Variants in FBXL7 observed in about 807,000 individuals in gnomAD.
The protein encoded by FBXL7 is F-box and leucine rich repeat protein 7, also known as F-box/LRR-repeat protein 7.
A neutral mutation model predicts 38.3 loss-of-function variants in FBXL7; 12 were observed. The observed-to-expected ratio is 0.31, with a 90% CI of 0.20 to 0.51. FBXL7 has a LOEUF of 0.51. FBXL7 is among the 20% of genes least tolerant of loss of function. The pLI is 0.98. For synonymous variants in FBXL7, 297 were observed against 300.9 expected, an observed-to-expected ratio of 0.99 and a Z score of 0.13; for missense variants, 567 against 676.4, an observed-to-expected ratio of 0.84 and a Z score of 1.79.
At position 15,631,629 on chromosome 5, in the gene FBXL7, G is replaced by A. The variant is rs1016869486; in HGVS notation, c.127+15557G>A. Among the ~76,000 whole-genome samples, 10 of 126,594 alleles carry A rather than the reference G, an allele frequency of 7.9e-5. No homozygotes were observed. The East Asian group carries it at 1.7e-3, about 21-fold the overall frequency. The allele number at this position is 126,594 out of a possible 152,430, so 83.1% of individuals were successfully genotyped here. On this transcript the variant is annotated intron_variant, in intron 2 of 3. Coordinates refer to ENST00000504595, the MANE Select transcript of FBXL7 (RefSeq NM_012304.5). ...GGAGGTTGCAGTGAGCCGAGACTGC[G>A]CCATTGCACTACAGCCTGGGCAACA...
intron 2 of FBXL7, among the ~76,000 whole-genome samples, chr5:15,635,147 CTG>C (rs1741140498): frequency 6.6e-6 from 1 of 152,000 alleles, no homozygotes; most frequent in African/African-American, 2.4e-5. Flanking sequence ...CTGGGCTTGA[CTG>C]TGATTTTTCT....
chr5:15,827,052 T>C (rs756086356), intron 2 of FBXL7, among the ~76,000 whole-genome samples: 12 of 152,094 alleles, frequency 7.9e-5, no homozygotes, highest in African/African-American at 1.4e-4. Context: ...TCCTGCCCCA[T>C]GAACACTTTT....
At chr5:15,727,890 G>C (rs560851102) in intron 2 of FBXL7, among the ~76,000 whole-genome samples, 45 of 152,054 alleles carry the variant, frequency 3.0e-4, no homozygotes, top group African/African-American at 1.1e-3. Context: ...GAGTCCTTTG[G>C]GATCTGGTTA....
At chr5:15,797,494 C>G (rs1283071882) in intron 2 of FBXL7, among the ~76,000 whole-genome samples, 1 of 152,192 alleles carries the variant, frequency 6.6e-6, no homozygotes, top group Admixed American at 6.5e-5. Context: ...ATCTTCTGGG[C>G]TGATGCTCTC....
At chr5:15,552,025 C>A (rs1365861048) in intron 1 of FBXL7, among the ~76,000 whole-genome samples, 1 of 152,168 alleles carries the variant, frequency 6.6e-6, no homozygotes, top group Non-Finnish European at 1.5e-5. Context: ...TTACTACTTA[C>A]ATTTGTTGAA....
At chr5:15,729,608 G>A (rs754897281) in intron 2 of FBXL7, among the ~76,000 whole-genome samples, 3 of 152,060 alleles carry the variant, frequency 2.0e-5, no homozygotes, top group Non-Finnish European at 4.4e-5. Context: ...CAGTAGTAAT[G>A]TTTATCTTTT....
intron 1 of FBXL7, among the ~76,000 whole-genome samples, chr5:15,563,085 T>C (rs565114173): frequency 2.0e-5 from 3 of 152,278 alleles, no homozygotes; most frequent in East Asian, 1.9e-4. Flanking sequence ...TAATGAACAA[T>C]GCTTCCATAT....
chr5:15,783,719 G>C (rs1737060129), intron 2 of FBXL7, among the ~76,000 whole-genome samples: 1 of 152,214 alleles, frequency 6.6e-6, no homozygotes, highest in Admixed American at 6.5e-5. Context: ...CTCAGTTAAG[G>C]TGTAGAGGTG....
chr5:15,679,966 A>C (rs1190631493), intron 2 of FBXL7, among the ~76,000 whole-genome samples: 3 of 152,140 alleles, frequency 2.0e-5, no homozygotes, highest in Admixed American at 6.6e-5. Flanking sequence ...ATTTGGCCAA[A>C]TTTTCTCTCT....
intron 2 of FBXL7, among the ~76,000 whole-genome samples, chr5:15,822,376 A>C: frequency 6.6e-6 from 1 of 151,998 alleles, no homozygotes; most frequent in Non-Finnish European, 1.5e-5. Flanking sequence ...ACAAAACAAA[A>C]CATAAAAGAA....
intron 2 of FBXL7, among the ~76,000 whole-genome samples, chr5:15,697,287 A>T (rs1743371148): frequency 6.6e-6 from 1 of 152,192 alleles, no homozygotes; most frequent in African/African-American, 2.4e-5. Context: ...TTATAAAATT[A>T]CAAGGTCTAG....
At chr5:15,612,375 C>T (rs1338943470) in intron 1 of FBXL7, among the ~76,000 whole-genome samples, 3 of 152,138 alleles carry the variant, frequency 2.0e-5, no homozygotes, top group Non-Finnish European at 4.4e-5. Flanking sequence ...TTAGTGTTAG[C>T]TATTATTATA....
At chr5:15,730,331 G>A (rs1161805115) in intron 2 of FBXL7, among the ~76,000 whole-genome samples, 1 of 152,052 alleles carries the variant, frequency 6.6e-6, no homozygotes, top group East Asian at 1.9e-4. Flanking sequence ...AGAAGAAAAT[G>A]TGCCGCCCAC....
At chr5:15,748,934 G>T (rs371596965) in intron 2 of FBXL7, among the ~76,000 whole-genome samples, 1 of 152,044 alleles carries the variant, frequency 6.6e-6, no homozygotes, top group East Asian at 1.9e-4. Flanking sequence ...TGTTGCCATG[G>T]CTAACATGTC....
intron 2 of FBXL7, among the ~76,000 whole-genome samples, chr5:15,721,400 A>G (rs909264835): frequency 6.6e-6 from 1 of 152,148 alleles, no homozygotes; most frequent in East Asian, 1.9e-4. Context: ...CACCCATAAT[A>G]TGTGGGAAGT....
chr5:15,701,897 C>G (rs1378483235), intron 2 of FBXL7, among the ~76,000 whole-genome samples: 1 of 152,074 alleles, frequency 6.6e-6, no homozygotes, highest in Non-Finnish European at 1.5e-5. Flanking sequence ...TGATTCTTGC[C>G]TTAAAGACTC....
intron 1 of FBXL7, among the ~76,000 whole-genome samples, chr5:15,579,549 A>G (rs1739071869): frequency 6.6e-6 from 1 of 152,228 alleles, no homozygotes; most frequent in African/African-American, 2.4e-5. Context: ...ATCTTTCCAA[A>G]TAAGATGATT....
At chr5:15,786,287 C>T (rs76127854) in intron 2 of FBXL7, among the ~76,000 whole-genome samples, 3,599 of 143,956 alleles carry the variant, frequency 0.025, 91 homozygotes, top group East Asian at 0.081. Context: ...TCCCTTCTTT[C>T]ATTCCTCCAC....
At chr5:15,600,731 AAGG>A (rs1418488558) in intron 1 of FBXL7, among the ~76,000 whole-genome samples, 3 of 152,192 alleles carry the variant, frequency 2.0e-5, no homozygotes, top group African/African-American at 7.2e-5. Flanking sequence ...CCATGCATGA[AAGG>A]AGGAGAATCA....
Sources: allele counts gnomAD v4.1 joint callset (sites outside exome capture counted in the v4.1 genomes callset), GRCh38; gene constraint gnomAD v4.1.1; transcripts MANE v1.5; gene names NCBI Gene and HGNC (gene_info 2026-07-23, HGNC 2026-07-21).